Variants in LRRFIP2 observed in about 807,000 individuals in gnomAD.
LRRFIP2 encodes the protein LRR binding FLII interacting protein 2, also known as leucine-rich repeat flightless-interacting protein 2.
A neutral mutation model predicts 125.9 loss-of-function variants in LRRFIP2; 109 were observed. That is an observed-to-expected ratio of 0.87 (90% CI 0.74 to 1.01). The LOEUF (loss-of-function observed/expected upper bound fraction) is 1.01, where lower values mean the gene tolerates loss of function less well. Ranked by LOEUF, LRRFIP2 falls within the 50% of genes least tolerant of loss-of-function variation. LRRFIP2 has a pLI of 0.00. For missense variants in LRRFIP2, 850 were observed against 862.3 expected, an observed-to-expected ratio of 0.99 and a Z score of 0.18; for synonymous variants, 291 against 293.1, an observed-to-expected ratio of 0.99 and a Z score of 0.07.
At chr3:37,077,509 C>T (rs533428537) in intron 19 of LRRFIP2, among the ~76,000 whole-genome samples, 7 of 152,130 alleles carry the variant, frequency 4.6e-5, no homozygotes, top group Admixed American at 4.6e-4. Context: ...ACATATATAT[C>T]TTTTTAGATT....
At position 37,109,660 on chromosome 3, in the gene LRRFIP2, C is replaced by T. The variant is rs1165544364; in HGVS notation, c.557G>A (p.Ser186Asn). The change falls in exon 10 of 28, where the codon AGT becomes AAT. Residue 186 changes from serine (S) to asparagine (N), a missense_variant. Physicochemically the swap from Ser to Asn is conservative, Grantham distance 46. Transcript: ENST00000336686. Reference protein sequence around the residue: ...LYSDPLATYKSDRASPTANSG... With the variant: ...LYSDPLATYKNDRASPTANSG... ...TCCTCAGAAAGTACTAACCCTGTCA[C>T]TCTTATATGTTGCCAGAGGGTCACT... The T allele has an allele frequency of 1.2e-6, 2 of 1,613,966 alleles. No homozygotes were observed. The highest frequency in any genetic ancestry group is 1.7e-5 in the Admixed American group (1 of 59,992).
intron 6 of LRRFIP2, among the ~76,000 whole-genome samples, chr3:37,119,091 A>G (rs1177303663): frequency 6.6e-6 from 1 of 152,212 alleles, no homozygotes; most frequent in East Asian, 1.9e-4. Flanking sequence ...GTTTCCAGGA[A>G]AGTCTAAACA....
At chr3:37,114,359 C>T (rs755222950) in intron 7 of LRRFIP2, among the ~76,000 whole-genome samples, 2 of 152,190 alleles carry the variant, frequency 1.3e-5, no homozygotes, top group Non-Finnish European at 2.9e-5. Flanking sequence ...CAACTTCACA[C>T]CTGCCAGCTT....
At chr3:37,105,655 T>C in intron 13 of LRRFIP2, 132 bp from the exon 14 acceptor site, 1 of 608,330 alleles carries the variant, frequency 1.6e-6, no homozygotes, top group Non-Finnish European at 3.0e-6. Context: ...TATAATATAG[T>C]GGGCACCTTA....
chr3:37,154,013 C>CA lies in LRRFIP2; in HGVS notation c.-55-4976dup, dbSNP rs767900386. 1.4e-3 allele frequency among the ~76,000 whole-genome samples: 202 copies of CA among 142,798 alleles called. 3 individuals are homozygous for CA. The highest frequency in any genetic ancestry group is 3.1e-3 in the African/African-American group (117 of 38,236). The allele number at this position is 142,798 out of a possible 152,430, so 93.7% of individuals were successfully genotyped here. ...GCAACATGGTGAAATTCTGTCTTTA[C>CA]AAAAAAAAAAAATTATCCAGACATG... On this transcript the variant is annotated intron_variant, in intron 1 of 27. Coordinates refer to ENST00000336686, the MANE Select transcript of LRRFIP2 (RefSeq NM_006309.4).
chr3:37,127,938 T>C lies in LRRFIP2; in HGVS notation c.178-258A>G, dbSNP rs2095327468. ...CTTATTTATTTATTTATTTATTTTT[T>C]TGAGACAGGATCTCACTTAGTTGCC... On this transcript the variant is annotated intron_variant, in intron 3 of 27. Coordinates refer to ENST00000336686, the MANE Select transcript of LRRFIP2 (RefSeq NM_006309.4). Among the ~76,000 whole-genome samples, 3 of 152,184 alleles carry C rather than the reference T, an allele frequency of 2.0e-5. No homozygotes were observed. The South Asian group carries it at 6.2e-4, about 31-fold the overall frequency.
At chr3:37,156,660 C>T (rs544010637) in intron 1 of LRRFIP2, among the ~76,000 whole-genome samples, 1 of 96,476 alleles carries the variant, frequency 1.0e-5, no homozygotes, top group Non-Finnish European at 1.8e-5. Flanking sequence ...GGCGACAGAG[C>T]GAGACTCAGT....
chr3:37,098,815 T>C (rs893084450), intron 15 of LRRFIP2, among the ~76,000 whole-genome samples: 2 of 152,210 alleles, frequency 1.3e-5, no homozygotes, highest in African/African-American at 4.8e-5. Flanking sequence ...AGAAATATTA[T>C]ATTTGAATAA....
At chr3:37,119,031 A>T (rs1344082798) in intron 6 of LRRFIP2, among the ~76,000 whole-genome samples, 2 of 152,252 alleles carry the variant, frequency 1.3e-5, no homozygotes, top group African/African-American at 4.8e-5. Flanking sequence ...AAAAAGTTTT[A>T]TCTCAATTAT....
At chr3:37,072,988 A>C (rs2091494628) in intron 20 of LRRFIP2, 106 bp from the exon 21 acceptor site, 2 of 704,354 alleles carry the variant, frequency 2.8e-6, no homozygotes, top group African/African-American at 1.8e-5. Context: ...CTTAACCAAA[A>C]GGGAAAGTCT....
At chr3:37,101,433 G>C (rs1357474111) in intron 15 of LRRFIP2, among the ~76,000 whole-genome samples, 1 of 151,914 alleles carries the variant, frequency 6.6e-6, no homozygotes, top group Non-Finnish European at 1.5e-5. Flanking sequence ...GGGAGGCTGA[G>C]GCAGGTAGAT....
At chr3:37,117,125 TA>T (rs74270642) in intron 6 of LRRFIP2, among the ~76,000 whole-genome samples, 1,556 of 132,732 alleles carry the variant, frequency 0.012, 14 homozygotes, top group Middle Eastern at 0.026. Context: ...CCCTTTTGTT[TA>T]AAAAAAAAAA....
intron 6 of LRRFIP2, among the ~76,000 whole-genome samples, chr3:37,119,148 T>C (rs2094917128): frequency 6.6e-6 from 1 of 152,156 alleles, no homozygotes; most frequent in African/African-American, 2.4e-5. Flanking sequence ...TGTACTAGAA[T>C]CTCCTCTAGG....
intron 15 of LRRFIP2, among the ~76,000 whole-genome samples, chr3:37,101,462 C>A (rs556952822): frequency 6.6e-6 from 1 of 151,662 alleles, no homozygotes; most frequent in Admixed American, 6.6e-5. Flanking sequence ...GTCAGGAATT[C>A]GAGACCAGCC....
intron 10 of LRRFIP2, 36 bp from the exon 11 acceptor site, chr3:37,109,607 G>C (rs1330368092): frequency 6.2e-7 from 1 of 1,613,800 alleles, no homozygotes; most frequent in African/African-American, 1.3e-5. Flanking sequence ...CCCAAAAAAA[G>C]CAACTGGTAG....
At chr3:37,134,582 C>T (rs1341821017) in intron 2 of LRRFIP2, 1 of 511,804 alleles carries the variant, frequency 2.0e-6, no homozygotes. Flanking sequence ...GTCCCACCTC[C>T]GGGATAACCA....
At chr3:37,150,393 CAG>C (rs2095989379) in intron 1 of LRRFIP2, among the ~76,000 whole-genome samples, 1 of 151,984 alleles carries the variant, frequency 6.6e-6, no homozygotes, top group Non-Finnish European at 1.5e-5. Context: ...ACCTGGGAGA[CAG>C]AGGTTTCAGT....
At position 37,083,753 on chromosome 3, in the gene LRRFIP2, T is replaced by A. The variant is rs760778724; in HGVS notation, c.1161A>T (p.Ala387=). 2 of 1,600,510 alleles carry A rather than the reference T, an allele frequency of 1.2e-6. No homozygotes were observed. Among genetic ancestry groups the A allele is most frequent in the East Asian group, 2.3e-5 (1 of 43,954 alleles). ...AATTGTTCTTCTCATTGTCTAACTGTGCATTGGAAACCATGGCTTTCTTGT... is the reference window on the plus strand; with the variant it reads ...AATTGTTCTTCTCATTGTCTAACTGAGCATTGGAAACCATGGCTTTCTTGT... The part of the protein sequence containing the change: ...EKYKKAMVSN[A]QLDNEKNNLI... The change falls in exon 19 of 28, where the codon GCA becomes GCT. Residue 387 remains alanine (A), a synonymous_variant. Coordinates refer to ENST00000336686, the MANE Select transcript of LRRFIP2 (RefSeq NM_006309.4).
At chr3:37,115,028 A>G (rs2094715816) in intron 7 of LRRFIP2, 26 bp downstream of exon 7, 3 of 1,560,834 alleles carry the variant, frequency 1.9e-6, no homozygotes, top group African/African-American at 1.4e-5. Context: ...AATTCCACAT[A>G]TAACACAAAG....
Sources: gnomAD v4.1 joint callset for allele counts (sites outside exome capture counted in the v4.1 genomes callset) on GRCh38, gnomAD v4.1.1 for gene constraint, MANE v1.5 for transcripts, NCBI Gene and HGNC (gene_info 2026-07-23, HGNC 2026-07-21) for gene names.